Variants in MEGF11 observed in about 807,000 individuals in gnomAD.
The protein encoded by MEGF11 is multiple epidermal growth factor-like domains protein 11.
Under a neutral mutation model 146.6 loss-of-function variants are expected in MEGF11, and 126 were observed. The ratio of observed to expected loss-of-function variants is 0.86; its 90% CI spans 0.74 to 1.00. The LOEUF (loss-of-function observed/expected upper bound fraction) is 1.00, where lower values mean the gene tolerates loss of function less well. Among genes scored for constraint, MEGF11 ranks in the 50% least tolerant of loss-of-function variants. The pLI is 0.00. For missense variants in MEGF11, 1,509 were observed against 1,521.2 expected, an observed-to-expected ratio of 0.99 and a Z score of 0.13; for synonymous variants, 532 against 583.4, an observed-to-expected ratio of 0.91 and a Z score of 1.27.
intron 9 of MEGF11, among the ~76,000 whole-genome samples, chr15:65,963,545 AC>A (rs997578627): frequency 2.4e-4 from 37 of 152,178 alleles, no homozygotes; most frequent in Middle Eastern, 3.4e-3. Flanking sequence ...CCTAGTAGTA[AC>A]CCAAATAAAG....
chr15:66,111,492 T>C (rs2087402338), intron 4 of MEGF11, among the ~76,000 whole-genome samples: 1 of 152,184 alleles, frequency 6.6e-6, no homozygotes, highest in African/African-American at 2.4e-5. Context: ...GGGGAGTTTA[T>C]AGGAGAGCAG....
chr15:66,098,206 G>A (rs1335472452), intron 4 of MEGF11, among the ~76,000 whole-genome samples: 2 of 152,168 alleles, frequency 1.3e-5, no homozygotes, highest in African/African-American at 2.4e-5. Context: ...ACCCAGGACA[G>A]CGATCTTGGC....
chr15:65,970,714 C>G (rs778813419), intron 7 of MEGF11, 25 bp from the exon 8 acceptor site: 1 of 1,593,632 alleles, frequency 6.3e-7, no homozygotes, highest in Admixed American at 1.8e-5. Context: ...GGAAGACATG[C>G]ATGGCGGTGC....
At position 65,897,889 on chromosome 15, in the gene MEGF11, C is replaced by A; in HGVS notation, c.*45G>T. ...TCAAGGGACTGTCTTCTTTCAGAGT[C>A]AGAATATTCAGTAGAGCACACTGCA... On this transcript the variant is annotated 3_prime_UTR_variant, in exon 26 of 26. Transcript: ENST00000395614. 6.4e-7 allele frequency: 1 copy of A among 1,565,294 alleles called. No homozygotes were observed. The highest frequency in any genetic ancestry group is 1.2e-5 in the South Asian group (1 of 85,628).
At position 65,917,946 on chromosome 15, in the gene MEGF11, C is replaced by T. The variant is rs768368032; in HGVS notation, c.2086+20G>A. On this transcript the variant is annotated intron_variant, in intron 16 of 25. Transcript: ENST00000395614. ...GGGCCTGACCCCAGGTAGGGGCATT[C>T]CCAGGTGGCAGCAGCTTACCCTGTG... 16 of 1,613,814 alleles carry T rather than the reference C, an allele frequency of 9.9e-6. No individual in the cohort carries two copies. In the South Asian group the frequency reaches 1.6e-4, roughly 17 times the overall value.
At chr15:65,981,099 G>A (rs908816442) in intron 6 of MEGF11, among the ~76,000 whole-genome samples, 2 of 152,210 alleles carry the variant, frequency 1.3e-5, no homozygotes, top group Non-Finnish European at 2.9e-5. Flanking sequence ...GGGTGCTTGG[G>A]CCAATACTTG....
chr15:65,907,714 C>T (rs1416105849), intron 23 of MEGF11, among the ~76,000 whole-genome samples: 2 of 152,240 alleles, frequency 1.3e-5, no homozygotes, highest in African/African-American at 4.8e-5. Context: ...GCTTCCTTTG[C>T]CCTTCCTGAG....
At position 65,949,808 on chromosome 15, in the gene MEGF11, G is replaced by A. The variant is rs58773841; in HGVS notation, c.1287+7739C>T. On this transcript the variant is annotated intron_variant, in intron 10 of 25. Transcript: ENST00000395614. ...CAAGGTGGCAGTAATTAGTCCTACA[G>A]CAGTGGAGGAGGCTCCATCAGTCTG... Among the ~76,000 whole-genome samples the A allele has an allele frequency of 3.1e-3, 469 of 152,322 alleles. 1 individual carries two copies. The highest frequency in any genetic ancestry group is 0.011 in the African/African-American group (456 of 41,574).
At chr15:65,995,021 T>G (rs2082158635) in intron 5 of MEGF11, among the ~76,000 whole-genome samples, 1 of 152,092 alleles carries the variant, frequency 6.6e-6, no homozygotes, top group Admixed American at 6.5e-5. Context: ...CATTGGGAGC[T>G]TGGGTGTGGT....
At chr15:66,109,977 G>T (rs2087306339) in intron 4 of MEGF11, among the ~76,000 whole-genome samples, 1 of 152,188 alleles carries the variant, frequency 6.6e-6, no homozygotes, top group Admixed American at 6.5e-5. Context: ...AGATGGACAG[G>T]CACAGCAGCT....
At chr15:66,184,432 C>T (rs964371229) in intron 1 of MEGF11, among the ~76,000 whole-genome samples, 1 of 151,868 alleles carries the variant, frequency 6.6e-6, no homozygotes, top group Admixed American at 6.6e-5. Flanking sequence ...ATCCGTGCCC[C>T]GATTTCATCT....
intron 1 of MEGF11, among the ~76,000 whole-genome samples, chr15:66,226,568 G>A (rs1321346919): frequency 6.6e-6 from 1 of 151,996 alleles, no homozygotes; most frequent in African/African-American, 2.4e-5. Context: ...CTTAATAATG[G>A]CCCCAAAGCG....
chr15:66,231,781 A>G (rs1158442439), intron 1 of MEGF11, among the ~76,000 whole-genome samples: 1 of 152,194 alleles, frequency 6.6e-6, no homozygotes, highest in East Asian at 1.9e-4. Context: ...CCCCCTCAGT[A>G]GTGACGACTT....
At chr15:66,145,015 G>A (rs988004238) in intron 1 of MEGF11, among the ~76,000 whole-genome samples, 16 of 152,154 alleles carry the variant, frequency 1.1e-4, no homozygotes, top group Non-Finnish European at 1.5e-4. Context: ...CAGAGCAGGC[G>A]CCGATCCAGA....
At chr15:66,220,115 A>G (rs186962593) in intron 1 of MEGF11, among the ~76,000 whole-genome samples, 90 of 152,232 alleles carry the variant, frequency 5.9e-4, no homozygotes, top group African/African-American at 2.1e-3. Flanking sequence ...GGAGCAGTGC[A>G]TCTACAAGCA....
intron 23 of MEGF11, among the ~76,000 whole-genome samples, chr15:65,906,473 G>A (rs1467146835): frequency 6.6e-6 from 1 of 152,212 alleles, no homozygotes; most frequent in Non-Finnish European, 1.5e-5. Flanking sequence ...AGGCTGTTCT[G>A]ATGCCATTCC....
intron 1 of MEGF11, among the ~76,000 whole-genome samples, chr15:66,137,656 A>G (rs2140993375): frequency 6.6e-6 from 1 of 151,084 alleles, no homozygotes; most frequent in South Asian, 2.1e-4. Context: ...TGGGCTTAAG[A>G]GAGCCTCCCA....
intron 1 of MEGF11, among the ~76,000 whole-genome samples, chr15:66,157,471 G>A (rs529669789): frequency 4.6e-5 from 7 of 152,296 alleles, no homozygotes; most frequent in African/African-American, 1.7e-4. Flanking sequence ...TGATCACACA[G>A]GAATCAAATC....
intron 5 of MEGF11, among the ~76,000 whole-genome samples, chr15:65,999,075 C>T (rs1187267089): frequency 4.0e-5 from 6 of 150,332 alleles, no homozygotes; most frequent in African/African-American, 7.4e-5. Flanking sequence ...GACAGGGTCT[C>T]GTTCTGTTGC....
Sources: gnomAD v4.1 joint callset for allele counts (sites outside exome capture counted in the v4.1 genomes callset) on GRCh38, gnomAD v4.1.1 for gene constraint, MANE v1.5 for transcripts, NCBI Gene and HGNC (gene_info 2026-07-23, HGNC 2026-07-21) for gene names.